The following SLC35F3 variants were observed in gnomAD, a reference collection of about 807,000 sequenced individuals.
SLC35F3 encodes the protein solute carrier family 35 member F3.
Under a neutral mutation model 49.9 loss-of-function variants are expected in SLC35F3, and 25 were observed. The observed-to-expected ratio is 0.50, with a 90% CI of 0.37 to 0.70. The LOEUF is 0.70. Among genes scored for constraint, SLC35F3 ranks in the 30% least tolerant of loss-of-function variants. SLC35F3 has a pLI of 0.00. For synonymous variants in SLC35F3, 275 were observed against 265.4 expected (o/e 1.04, Z -0.35); for missense variants, 525 against 639.8 (o/e 0.82, Z 1.94).
intron 2 of SLC35F3, among the ~76,000 whole-genome samples, chr1:234,036,066 T>C (rs1166097441): frequency 6.6e-6 from 1 of 152,108 alleles, no homozygotes; most frequent in Admixed American, 6.6e-5. Flanking sequence ...GGTTATCTAG[T>C]TGTGGGTTTG....
In SLC35F3 at chr1:234,027,706, A is replaced by C. The variant is rs1663998947; in HGVS notation, c.283+121948A>C. Reference sequence around the variant, plus strand: ...GGTGACCAGTTGTTTGGATGAAGAGAGGGTAATTTTGTTTGTTTATTCCCT... The same window carrying C: ...GGTGACCAGTTGTTTGGATGAAGAGCGGGTAATTTTGTTTGTTTATTCCCT... On this transcript the variant is annotated intron_variant, in intron 2 of 7. Transcript: ENST00000366618. This position sits in a 1 kb window ranked among gnomAD's most constrained non-coding sequence, Gnocchi z 4.1. Among the ~76,000 whole-genome samples the C allele has an allele frequency of 1.3e-5, 2 of 152,146 alleles. No individual in the cohort carries two copies. The highest frequency in any genetic ancestry group is 4.8e-5 in the African/African-American group (2 of 41,416).
At chr1:233,935,379 A>T (rs1662307508) in intron 2 of SLC35F3, among the ~76,000 whole-genome samples, 1 of 151,584 alleles carries the variant, frequency 6.6e-6, no homozygotes, top group South Asian at 2.1e-4. Flanking sequence ...TTTAGGTTTG[A>T]GTGTGTTTGA....
In SLC35F3 at chr1:234,186,666, A is replaced by AG. The variant is rs1666647338; in HGVS notation, c.284-44751_284-44750insG. On this transcript the variant is annotated intron_variant, in intron 2 of 7. Coordinates refer to ENST00000366618, the MANE Select transcript of SLC35F3 (RefSeq NM_173508.4). ...GTTCTGTTGACACAACTTGGGTCTG[A>AG]TCATGGGTCCACCATCTTAATAATT... 2.0e-5 allele frequency among the ~76,000 whole-genome samples: 3 copies of AG among 152,208 alleles called. No individual in the cohort carries two copies. The South Asian group carries it at 6.2e-4, about 32-fold the overall frequency.
chr1:233,918,491 T>G (rs1267989182), intron 2 of SLC35F3, among the ~76,000 whole-genome samples: 14 of 152,194 alleles, frequency 9.2e-5, no homozygotes, highest in Admixed American at 8.5e-4. Context: ...GAAGGTCTGT[T>G]GCTTATTAAA....
rs75753956 is a variant in SLC35F3, at chr1:234,076,989, T to G, written c.284-154428T>G. On this transcript the variant is annotated intron_variant, in intron 2 of 7. Coordinates refer to ENST00000366618, the MANE Select transcript of SLC35F3 (RefSeq NM_173508.4). ...TGGATAATTTATAAAAGAAAGAGGT[T>G]TTTTTTTTGTTTTTTTTTTTTTTTT... Among the ~76,000 whole-genome samples the G allele has an allele frequency of 0.024, 2,806 of 119,316 alleles. 282 individuals are homozygous for G. The East Asian group carries it at 0.36, about 15-fold the overall frequency. 78.3% of individuals were successfully genotyped at this position (119,316 alleles called of 152,430 possible).
chr1:234,324,462 T>C lies in SLC35F3; in HGVS notation c.*1219T>C, dbSNP rs1450518052. 6.6e-6 allele frequency: 1 copy of C among 152,294 alleles called. No homozygotes were observed. Among genetic ancestry groups the C allele is most frequent in the East Asian group, 1.9e-4 (1 of 5,184 alleles). 9.4% of individuals were successfully genotyped at this position (152,294 alleles called of 1,614,324 possible). A position where few individuals can be genotyped will look rare whatever the true frequency, so the allele number is the denominator to read the frequency against. On this transcript the variant is annotated 3_prime_UTR_variant, in exon 8 of 8. Transcript: ENST00000366618. ...CTTTTTAGCAAATTATTATTCTCAG[T>C]TTCCATTACCTGTTTGGCCAAACAG...
At position 234,040,798 on chromosome 1, in the gene SLC35F3, G is replaced by A. The variant is rs147025704; in HGVS notation, c.283+135040G>A. On this transcript the variant is annotated intron_variant, in intron 2 of 7. Transcript: ENST00000366618. ...ACCTAAGGAGGGTCCGGCATCCTAG[G>A]GAAAGTTTGGGGACCGACTTTATTC... Among the ~76,000 whole-genome samples, 3 of 152,264 alleles carry A rather than the reference G, an allele frequency of 2.0e-5. No homozygotes were observed. In the East Asian group the frequency reaches 5.8e-4, roughly 29 times the overall value.
At chr1:233,905,921 G>A (rs111395268) in intron 2 of SLC35F3, among the ~76,000 whole-genome samples, 163 bp downstream of exon 2, 2,571 of 152,338 alleles carry the variant, frequency 0.017, 26 homozygotes, top group Middle Eastern at 0.037. Flanking sequence ...GCCCGGAGAC[G>A]GAGTTCTCCT....
chr1:234,299,164 C>G (rs1345788580), intron 3 of SLC35F3, among the ~76,000 whole-genome samples: 4 of 152,038 alleles, frequency 2.6e-5, no homozygotes, highest in African/African-American at 9.7e-5. Flanking sequence ...GTGCTGTTAC[C>G]CCTCAAGGCA....
intron 2 of SLC35F3, among the ~76,000 whole-genome samples, chr1:234,034,353 G>T (rs1234407911): frequency 1.3e-5 from 2 of 152,086 alleles, no homozygotes; most frequent in African/African-American, 4.8e-5. Flanking sequence ...TTGTCTGATT[G>T]TTCCAGCTAG....
At chr1:234,197,711 C>T (rs1460248753) in intron 2 of SLC35F3, among the ~76,000 whole-genome samples, 8 of 152,296 alleles carry the variant, frequency 5.3e-5, no homozygotes, top group Non-Finnish European at 8.8e-5. Flanking sequence ...TCACTCCCCA[C>T]GGAGGGCTGC....
At position 234,041,853 on chromosome 1, in the gene SLC35F3, G is replaced by A. The variant is rs139846816; in HGVS notation, c.283+136095G>A. Among the ~76,000 whole-genome samples the A allele has an allele frequency of 1.4e-4, 21 of 152,270 alleles. No homozygotes were observed. In the East Asian group the frequency reaches 4.1e-3, roughly 29 times the overall value. On this transcript the variant is annotated intron_variant, in intron 2 of 7. Transcript: ENST00000366618. ...TCATATTGACCAGATCCTTAGATGGGTGGATGATGGGTGGGCAGTTCAAAT... is the reference window on the plus strand; with the variant it reads ...TCATATTGACCAGATCCTTAGATGGATGGATGATGGGTGGGCAGTTCAAAT...
chr1:234,107,458 G>A (rs1023014093), intron 2 of SLC35F3, among the ~76,000 whole-genome samples: 16 of 152,118 alleles, frequency 1.1e-4, no homozygotes, highest in Non-Finnish European at 4.4e-5. Flanking sequence ...CCAAGATCAA[G>A]GTGCCAGCAG....
intron 2 of SLC35F3, among the ~76,000 whole-genome samples, chr1:233,960,935 C>G (rs1375855989): frequency 6.7e-6 from 1 of 149,912 alleles, no homozygotes; most frequent in African/African-American, 2.5e-5. Flanking sequence ...TGGCTCCACA[C>G]ACCTGCACCA....
chr1:233,905,548 G>A lies in SLC35F3; in HGVS notation c.73G>A (p.Asp25Asn). The A allele has an allele frequency of 1.2e-6, 2 of 1,613,724 alleles. No homozygotes were observed. The highest frequency in any genetic ancestry group is 1.7e-6 in the Non-Finnish European group (2 of 1,179,840). ...SIAVGMRRSP[D>N]VSPRRLSDIS... is the part of the protein sequence containing the mutation. ...CCGCAGTGGCATGAGGAGGTCACCG[G>A]ACGTCAGCCCCCGGAGACTGTCCGA... The change falls in exon 2 of 8, where the codon GAC becomes AAC. Residue 25 changes from aspartate (D) to asparagine (N), a missense_variant. By Grantham distance (23) the Asp-to-Asn change is conservative. This residue lies in a region of SLC35F3 where 228 missense variants were observed against 218.9 expected (regional missense o/e 1.04). Transcript: ENST00000366618.
intron 2 of SLC35F3, among the ~76,000 whole-genome samples, chr1:234,220,234 G>T (rs12239787): frequency 6.6e-6 from 1 of 151,360 alleles, no homozygotes; most frequent in Non-Finnish European, 1.5e-5. Context: ...AATAAAAACT[G>T]CCACTGTCTA....
chr1:234,275,108 G>A (rs928434314), intron 3 of SLC35F3, among the ~76,000 whole-genome samples: 2 of 152,106 alleles, frequency 1.3e-5, no homozygotes, highest in African/African-American at 4.8e-5. Flanking sequence ...TCTGAGCACC[G>A]ACAAGACCCA....
chr1:234,037,092 G>A (rs539683252), intron 2 of SLC35F3, among the ~76,000 whole-genome samples: 1 of 152,288 alleles, frequency 6.6e-6, no homozygotes, highest in African/African-American at 2.4e-5. Context: ...GAATACCTGA[G>A]GTTGGGTCAT....
intron 3 of SLC35F3, among the ~76,000 whole-genome samples, chr1:234,259,541 G>A (rs1235682878): frequency 6.6e-6 from 1 of 152,124 alleles, no homozygotes; most frequent in African/African-American, 2.4e-5. Context: ...GCATGGTGGT[G>A]TGCGTACCTG....
Sources: allele counts gnomAD v4.1 joint callset (sites outside exome capture counted in the v4.1 genomes callset), GRCh38; gene constraint gnomAD v4.1.1; regional missense constraint gnomAD v4.1.1; non-coding constraint Gnocchi (gnomAD v3.1); transcripts MANE v1.5; gene names NCBI Gene and HGNC (gene_info 2026-07-23, HGNC 2026-07-21).